The following ASIC2 variants were observed in gnomAD, a reference collection of about 807,000 sequenced individuals.
ASIC2 encodes acid sensing ion channel subunit 2.
Under a neutral mutation model 57.3 loss-of-function variants are expected in ASIC2, and 25 were observed. The observed-to-expected ratio is 0.44, with a 90% CI of 0.32 to 0.61. The LOEUF (loss-of-function observed/expected upper bound fraction) is 0.61, where lower values mean the gene tolerates loss of function less well. Among genes scored for constraint, ASIC2 ranks in the 20% least tolerant of loss-of-function variants. The probability of loss-of-function intolerance (pLI) is 0.06; values close to 1 mark genes in which losing one functional copy is unlikely to be tolerated. For missense variants in ASIC2, 641 were observed against 738.1 expected (o/e 0.87, Z 1.52); for synonymous variants, 319 against 307.5 (o/e 1.04, Z -0.39).
chr17:34,125,826 G>A (rs1911764828), intron 1 of ASIC2, among the ~76,000 whole-genome samples: 1 of 152,192 alleles, frequency 6.6e-6, no homozygotes, highest in Non-Finnish European at 1.5e-5. Flanking sequence ...GTGAGCTGGA[G>A]CTTCTGAAAC....
intron 1 of ASIC2, among the ~76,000 whole-genome samples, chr17:33,284,150 C>G (rs1905061541): frequency 6.6e-6 from 1 of 152,148 alleles, no homozygotes; most frequent in Admixed American, 6.5e-5. Flanking sequence ...ACAATGGTGT[C>G]AGGGGAGATA....
chr17:33,599,100 C>T (rs1196781770), intron 1 of ASIC2, among the ~76,000 whole-genome samples: 2 of 152,218 alleles, frequency 1.3e-5, no homozygotes, highest in Non-Finnish European at 2.9e-5. Flanking sequence ...GCCTTGATAT[C>T]TGCACTGTTT....
At chr17:33,075,464 C>G (rs1030208910) in intron 3 of ASIC2, among the ~76,000 whole-genome samples, 1 of 152,188 alleles carries the variant, frequency 6.6e-6, no homozygotes, top group Non-Finnish European at 1.5e-5. Flanking sequence ...AGATTCCTCT[C>G]CCTGCTCTGC....
At chr17:33,482,767 A>G (rs1467738847) in intron 1 of ASIC2, among the ~76,000 whole-genome samples, 2 of 152,114 alleles carry the variant, frequency 1.3e-5, no homozygotes, top group Admixed American at 1.3e-4. Context: ...ATCACCCCCA[A>G]TGCCAACCTT....
intron 1 of ASIC2, among the ~76,000 whole-genome samples, chr17:33,829,422 G>T (rs1000544874): frequency 2.0e-5 from 3 of 152,132 alleles, no homozygotes. Context: ...TATGGATGGG[G>T]ATACAGCTGA....
intron 1 of ASIC2, among the ~76,000 whole-genome samples, chr17:33,743,042 C>CT (rs1215284286): frequency 1.3e-5 from 2 of 152,220 alleles, no homozygotes; most frequent in Non-Finnish European, 2.9e-5. Flanking sequence ...CTCCTCTACC[C>CT]TTTATCTTCC....
chr17:33,089,557 A>G (rs2092149607), intron 2 of ASIC2, among the ~76,000 whole-genome samples: 1 of 152,246 alleles, frequency 6.6e-6, no homozygotes, highest in Non-Finnish European at 1.5e-5. Flanking sequence ...CTCTTGCAGC[A>G]GCAATGGGAA....
At chr17:33,634,466 C>T (rs1906279093) in intron 1 of ASIC2, among the ~76,000 whole-genome samples, 1 of 152,072 alleles carries the variant, frequency 6.6e-6, no homozygotes, top group Non-Finnish European at 1.5e-5. Context: ...CACATGCTAG[C>T]CTATGAGGCT....
intron 1 of ASIC2, among the ~76,000 whole-genome samples, chr17:33,870,737 A>G (rs1205618231): frequency 6.6e-6 from 1 of 152,102 alleles, no homozygotes; most frequent in Non-Finnish European, 1.5e-5. Flanking sequence ...AGTGTTGACA[A>G]CTCTTAGAAC....
chr17:33,763,202 T>C (rs1022808365), intron 1 of ASIC2, among the ~76,000 whole-genome samples: 2 of 152,154 alleles, frequency 1.3e-5, no homozygotes, highest in African/African-American at 2.4e-5. Context: ...AGACCATATG[T>C]CTTGTTGATT....
At chr17:34,083,136 A>T (rs1909960786) in intron 1 of ASIC2, among the ~76,000 whole-genome samples, 1 of 150,242 alleles carries the variant, frequency 6.7e-6, no homozygotes, top group Non-Finnish European at 1.5e-5. Context: ...CTCGTCATCT[A>T]GCATTAGGTA....
chr17:33,763,778 T>C (rs1910853904), intron 1 of ASIC2, among the ~76,000 whole-genome samples: 1 of 152,220 alleles, frequency 6.6e-6, no homozygotes, highest in African/African-American at 2.4e-5. Context: ...ATGGTAGACA[T>C]ATGTAAAGTC....
At chr17:33,270,979 G>A (rs1904469229) in intron 1 of ASIC2, among the ~76,000 whole-genome samples, 4 of 152,192 alleles carry the variant, frequency 2.6e-5, no homozygotes, top group Admixed American at 2.6e-4. Flanking sequence ...AGAAAGCCAA[G>A]AAATGGCACC....
At position 33,421,899 on chromosome 17, in the gene ASIC2, T is replaced by C. The variant is rs547365932; in HGVS notation, c.556-309832A>G. Reference sequence around the variant, plus strand: ...CCTGGGTCCCTGACTCCTACCTCCCTGTCACCTAACCAACACTAACCAAGC... The same window carrying C: ...CCTGGGTCCCTGACTCCTACCTCCCCGTCACCTAACCAACACTAACCAAGC... On this transcript the variant is annotated intron_variant, in intron 1 of 9. Transcript: ENST00000359872. 2.6e-5 allele frequency among the ~76,000 whole-genome samples: 4 copies of C among 152,312 alleles called. No homozygotes were observed. In the East Asian group the frequency reaches 7.7e-4, roughly 29 times the overall value.
At chr17:33,881,610 G>C (rs1173415767) in intron 1 of ASIC2, among the ~76,000 whole-genome samples, 2 of 152,144 alleles carry the variant, frequency 1.3e-5, no homozygotes, top group Admixed American at 1.3e-4. Flanking sequence ...TGAAATAAAA[G>C]AGGATACAAA....
chr17:33,031,891 A>G (rs1354497319), intron 3 of ASIC2, among the ~76,000 whole-genome samples: 1 of 152,220 alleles, frequency 6.6e-6, no homozygotes, highest in Non-Finnish European at 1.5e-5. Context: ...ACTTTGCATG[A>G]TAACAGACAT....
chr17:33,885,880 T>C (rs566350318), intron 1 of ASIC2, among the ~76,000 whole-genome samples: 1 of 152,260 alleles, frequency 6.6e-6, no homozygotes, highest in South Asian at 2.1e-4. Context: ...AACTCAGTAG[T>C]GTATTATCCT....
intron 1 of ASIC2, among the ~76,000 whole-genome samples, chr17:33,593,928 C>A (rs1904905361): frequency 6.6e-6 from 1 of 152,192 alleles, no homozygotes; most frequent in African/African-American, 2.4e-5. Context: ...AATCAATATT[C>A]AGGGAGTTTT....
chr17:33,777,750 T>C (rs1911328570), intron 1 of ASIC2, among the ~76,000 whole-genome samples: 1 of 152,238 alleles, frequency 6.6e-6, no homozygotes, highest in Non-Finnish European at 1.5e-5. Context: ...TGATGCATAA[T>C]GTCCTTTGTG....
Sources: allele counts gnomAD v4.1 joint callset (sites outside exome capture counted in the v4.1 genomes callset), GRCh38; gene constraint gnomAD v4.1.1; transcripts MANE v1.5; gene names NCBI Gene and HGNC (gene_info 2026-07-23, HGNC 2026-07-21).